The following EEIG2 variants were observed in gnomAD, a reference collection of about 807,000 sequenced individuals.
EEIG2 encodes the protein family with sequence similarity 102 member B.
the EEIG2 span, chr1:108,625,823 TGTGTGG>T: frequency 4.2e-5 from 4 of 94,418 alleles, no homozygotes; most frequent in Admixed American, 1.1e-4. Flanking sequence ...TGTGTGTGTG[TGTGTGG>T]AGAGAGAGAG....
At chr1:108,628,797 T>G in the EEIG2 span, 1 of 1,611,546 alleles carries the variant, frequency 6.2e-7, no homozygotes, top group Non-Finnish European at 8.5e-7. Flanking sequence ...TAGATTCCAG[T>G]GCGGAAGGTG....
At chr1:108,625,835 G>C in the EEIG2 span, 1 of 149,750 alleles carries the variant, frequency 6.7e-6, no homozygotes, top group East Asian at 2.0e-4. Context: ...TGTGGAGAGA[G>C]AGAGAGAAAG....
chr1:108,612,307 C>T, the EEIG2 span: 4 of 1,527,652 alleles, frequency 2.6e-6, no homozygotes, highest in Non-Finnish European at 3.6e-6. Flanking sequence ...AAGCACGTTT[C>T]AGGATTTACT....
At chr1:108,586,116 A>T in the EEIG2 span, among the ~76,000 whole-genome samples, 1 of 151,970 alleles carries the variant, frequency 6.6e-6, no homozygotes, top group Non-Finnish European at 1.5e-5. Context: ...ACATAGCAAA[A>T]ATTTCATTAA....
chr1:108,584,167 A>G, the EEIG2 span, among the ~76,000 whole-genome samples: 2 of 152,140 alleles, frequency 1.3e-5, no homozygotes, highest in African/African-American at 4.8e-5. Context: ...GAAAAATGCA[A>G]TTGGGTAAAA....
chr1:108,592,855 T>TTGGGCTGGGTGTGG, the EEIG2 span, among the ~76,000 whole-genome samples: 3 of 152,086 alleles, frequency 2.0e-5, no homozygotes, highest in Non-Finnish European at 4.4e-5. Flanking sequence ...TTTAAGAAGT[T>TTGGGCTGGGTGTGG]TGGGCTGGGT....
chr1:108,599,798 C>T, the EEIG2 span, among the ~76,000 whole-genome samples: 1 of 152,212 alleles, frequency 6.6e-6, no homozygotes, highest in Non-Finnish European at 1.5e-5. Context: ...TCAAGACCAG[C>T]CTGGACAACA....
chr1:108,593,464 C>G, the EEIG2 span, among the ~76,000 whole-genome samples: 2 of 152,356 alleles, frequency 1.3e-5, no homozygotes, highest in South Asian at 2.1e-4. Context: ...CATCCCATGC[C>G]TACCCTGTAA....
At chr1:108,624,907 C>G in the EEIG2 span, 1 of 625,148 alleles carries the variant, frequency 1.6e-6, no homozygotes, top group Non-Finnish European at 2.8e-6. Context: ...TTTATTTTGT[C>G]TAAAGTATTG....
the EEIG2 span, chr1:108,606,316 T>A: frequency 8.6e-7 from 1 of 1,168,412 alleles, no homozygotes; most frequent in Non-Finnish European, 1.2e-6. Flanking sequence ...TTTATAGGCT[T>A]AAAAATTAAA....
chr1:108,626,603 G>A, the EEIG2 span: 1 of 151,964 alleles, frequency 6.6e-6, no homozygotes, highest in Non-Finnish European at 1.5e-5. Context: ...TATGCCCCCT[G>A]TTTATCCTGT....
At chr1:108,616,837 G>C in the EEIG2 span, among the ~76,000 whole-genome samples, 4 of 152,144 alleles carry the variant, frequency 2.6e-5, no homozygotes, top group African/African-American at 9.7e-5. Context: ...ATTCTAAGAG[G>C]AAAATGGACA....
chr1:108,629,910 C>G, the EEIG2 span: 1 of 451,640 alleles, frequency 2.2e-6, no homozygotes, highest in Non-Finnish European at 4.0e-6. Context: ...AGTCAAGGAC[C>G]AGTAGACCAT....
chr1:108,611,470 A>G, the EEIG2 span, among the ~76,000 whole-genome samples: 1 of 152,274 alleles, frequency 6.6e-6, no homozygotes, highest in African/African-American at 2.4e-5. Context: ...TAATAACAAG[A>G]AGGAACAGGT....
the EEIG2 span, among the ~76,000 whole-genome samples, chr1:108,611,775 C>G: frequency 6.6e-6 from 1 of 152,192 alleles, no homozygotes; most frequent in African/African-American, 2.4e-5. Flanking sequence ...AATCATTCTT[C>G]TCTATGTGTA....
chr1:108,636,844 G>GT, the EEIG2 span: 1 of 151,998 alleles, frequency 6.6e-6, no homozygotes, highest in South Asian at 2.1e-4. Context: ...ATCAAAGAAA[G>GT]TTTTTTATAG....
chr1:108,608,729 T>G, the EEIG2 span, among the ~76,000 whole-genome samples: 1 of 152,244 alleles, frequency 6.6e-6, no homozygotes, highest in Non-Finnish European at 1.5e-5. Context: ...TTTAATATAC[T>G]TTTTAATAGG....
the EEIG2 span, among the ~76,000 whole-genome samples, chr1:108,597,974 G>A: frequency 7.2e-5 from 11 of 152,238 alleles, no homozygotes; most frequent in South Asian, 2.1e-4. Flanking sequence ...TGGGAGCTCC[G>A]GACACCATAG....
the EEIG2 span, chr1:108,612,242 T>C: frequency 1.2e-6 from 2 of 1,613,870 alleles, no homozygotes; most frequent in Non-Finnish European, 1.7e-6. Flanking sequence ...CGCCGCTGTT[T>C]ACTGGAAGGC....
Sources: allele counts gnomAD v4.1 joint callset (sites outside exome capture counted in the v4.1 genomes callset), GRCh38; gene constraint gnomAD v4.1.1; transcripts MANE v1.5; gene names NCBI Gene and HGNC (gene_info 2026-07-23, HGNC 2026-07-21).